PLA2G4A: variants seen among roughly 807,000 people sequenced by gnomAD.
PLA2G4A encodes the protein cytosolic phospholipase A2.
PLA2G4A carries 40 observed loss-of-function variants against 81.9 expected under a neutral mutation model. That is an observed-to-expected ratio of 0.49 (90% CI 0.38 to 0.64). The LOEUF (loss-of-function observed/expected upper bound fraction) is 0.64. PLA2G4A is among the 30% of genes least tolerant of loss of function. The probability of loss-of-function intolerance (pLI) is 0.00; values close to 1 mark genes in which losing one functional copy is unlikely to be tolerated. For missense variants in PLA2G4A, 715 were observed against 905.1 expected, an observed-to-expected ratio of 0.79 and a Z score of 2.69; for synonymous variants, 302 against 296.9, an observed-to-expected ratio of 1.02 and a Z score of -0.18.
chr1:186,849,406 T>A (rs190451781), intron 1 of PLA2G4A, among the ~76,000 whole-genome samples: 12 of 152,114 alleles, frequency 7.9e-5, no homozygotes, highest in Admixed American at 7.9e-4. Flanking sequence ...CAAATATACT[T>A]TGAAGGTCAC....
At chr1:186,982,356 TTCC>T (rs1423154214) in intron 17 of PLA2G4A, among the ~76,000 whole-genome samples, 2 of 152,242 alleles carry the variant, frequency 1.3e-5, no homozygotes, top group African/African-American at 4.8e-5. Flanking sequence ...GAGCCTCCAC[TTCC>T]TCGTCTCTGA....
At chr1:186,981,996 A>G (rs1657737312) in intron 17 of PLA2G4A, among the ~76,000 whole-genome samples, 1 of 152,236 alleles carries the variant, frequency 6.6e-6, no homozygotes, top group Admixed American at 6.5e-5. Flanking sequence ...TGATCAGATG[A>G]TTATTCACAA....
chr1:186,868,656 A>C (rs529900054), intron 2 of PLA2G4A, among the ~76,000 whole-genome samples: 2 of 152,316 alleles, frequency 1.3e-5, no homozygotes, highest in South Asian at 2.1e-4. Flanking sequence ...CCATGTGAAC[A>C]TGGTGCTTTC....
In PLA2G4A at chr1:186,949,197, A is replaced by T. The variant is rs544919633; in HGVS notation, c.1265-1460A>T. 3.3e-5 allele frequency among the ~76,000 whole-genome samples: 5 copies of T among 152,058 alleles called. No homozygotes were observed. In the South Asian group the frequency reaches 1.0e-3, roughly 32 times the overall value. ...TCATATCGTGAATTCTTCCTTACAA[A>T]TAAGACAGTATTTTGGTGAACTATT... On this transcript the variant is annotated intron_variant, in intron 12 of 17. Coordinates refer to ENST00000367466, the MANE Select transcript of PLA2G4A (RefSeq NM_024420.3).
At chr1:186,916,830 C>T (rs1655154546) in intron 7 of PLA2G4A, among the ~76,000 whole-genome samples, 1 of 152,182 alleles carries the variant, frequency 6.6e-6, no homozygotes, top group South Asian at 2.1e-4. Context: ...GATGTATACA[C>T]TGAGAGCAGT....
chr1:186,907,229 A>G lies in PLA2G4A; in HGVS notation c.416+227A>G, dbSNP rs12720549. ...TTAATATGCTTTGCTTATTTTTCCA[A>G]TAGTTTCATGGTCATATAATAATGT... On this transcript the variant is annotated intron_variant, in intron 6 of 17. Transcript: ENST00000367466. Among the ~76,000 whole-genome samples the G allele has an allele frequency of 2.8e-3, 432 of 152,162 alleles. 2 individuals are homozygous for G. Among genetic ancestry groups the G allele is most frequent in the Non-Finnish European group, 3.6e-3 (246 of 68,002 alleles).
intron 8 of PLA2G4A, 140 bp from the exon 9 acceptor site, chr1:186,938,868 A>G (rs890889880): frequency 2.2e-5 from 15 of 668,242 alleles, no homozygotes; most frequent in Non-Finnish European, 3.8e-5. Flanking sequence ...CTTTTCTTAA[A>G]TGTTTTAATA....
intron 15 of PLA2G4A, among the ~76,000 whole-genome samples, chr1:186,973,900 C>A (rs1657443555): frequency 6.6e-6 from 1 of 151,986 alleles, no homozygotes; most frequent in Admixed American, 6.6e-5. Context: ...TGCTTATATG[C>A]CATCCTTCTC....
At chr1:186,899,333 G>A (rs1306396736) in intron 5 of PLA2G4A, among the ~76,000 whole-genome samples, 1 of 152,136 alleles carries the variant, frequency 6.6e-6, no homozygotes, top group Non-Finnish European at 1.5e-5. Flanking sequence ...AGACCGGGAG[G>A]AGATAAGGTC....
rs12720550 is a variant in PLA2G4A, at chr1:186,907,371, A to G, written c.416+369A>G. The stretch of plus-strand genomic sequence containing the variant: ...TTGATTCAGGTAGATATTCAAAAAC[A>G]TAGAAGTGAACTTAAACAGAAACTA... On this transcript the variant is annotated intron_variant, in intron 6 of 17. Coordinates refer to ENST00000367466, the MANE Select transcript of PLA2G4A (RefSeq NM_024420.3). Among the ~76,000 whole-genome samples, 1,068 of 152,342 alleles carry G rather than the reference A, an allele frequency of 7.0e-3. 12 individuals carry two copies. Among genetic ancestry groups the G allele is most frequent in the African/African-American group, 0.024 (1,016 of 41,576 alleles).
rs149761307 is a variant in PLA2G4A at position 186,833,132 on chromosome 1, G to A, written c.-70+4097G>A. Among the ~76,000 whole-genome samples the A allele has an allele frequency of 6.2e-3, 950 of 152,240 alleles. 12 individuals are homozygous for A. Among genetic ancestry groups the A allele is most frequent in the African/African-American group, 0.021 (858 of 41,530 alleles). ...CTGTTCAAGTTTTGTAAGGCTGGGT[G>A]CAGTGGCTTACACCTGTAATCCCAA... On this transcript the variant is annotated intron_variant, in intron 1 of 17. Coordinates refer to ENST00000367466, the MANE Select transcript of PLA2G4A (RefSeq NM_024420.3).
At chr1:186,978,455 G>A (rs1431853509) in intron 16 of PLA2G4A, among the ~76,000 whole-genome samples, 1 of 152,150 alleles carries the variant, frequency 6.6e-6, no homozygotes, top group East Asian at 1.9e-4. Context: ...TAGGGAGGAT[G>A]AGTAATGGGA....
chr1:186,917,187 G>C (rs972497713), intron 7 of PLA2G4A, among the ~76,000 whole-genome samples: 1 of 152,102 alleles, frequency 6.6e-6, no homozygotes, highest in Admixed American at 6.5e-5. Context: ...ATTCATACGC[G>C]ATCACCTGGA....
intron 3 of PLA2G4A, among the ~76,000 whole-genome samples, chr1:186,878,673 G>A (rs1653611067): frequency 1.3e-5 from 2 of 151,798 alleles, no homozygotes; most frequent in Admixed American, 1.3e-4. Context: ...TTACGAAGTT[G>A]TTAAGTGGTT....
intron 13 of PLA2G4A, among the ~76,000 whole-genome samples, chr1:186,951,618 C>T (rs1283187851): frequency 4.6e-5 from 7 of 152,148 alleles, no homozygotes; most frequent in Non-Finnish European, 7.3e-5. Context: ...ATTAATTCCA[C>T]TAGGCATGGA....
intron 1 of PLA2G4A, among the ~76,000 whole-genome samples, chr1:186,853,395 G>A (rs1652444597): frequency 6.6e-6 from 1 of 151,750 alleles, no homozygotes. Context: ...AGCAGTTTTT[G>A]TTTGTGACAA....
intron 1 of PLA2G4A, among the ~76,000 whole-genome samples, chr1:186,841,834 A>G (rs368256325): frequency 6.6e-6 from 1 of 152,184 alleles, no homozygotes; most frequent in East Asian, 1.9e-4. Flanking sequence ...CTTAAGATGG[A>G]CAGGTTTATC....
intron 3 of PLA2G4A, among the ~76,000 whole-genome samples, chr1:186,874,869 T>C (rs1050642532): frequency 9.9e-5 from 15 of 152,108 alleles, no homozygotes; most frequent in African/African-American, 3.6e-4. Context: ...TCAAAAAGTC[T>C]GTGCCTGTAG....
chr1:186,975,073 T>C (rs1313944496), intron 15 of PLA2G4A, among the ~76,000 whole-genome samples: 1 of 152,218 alleles, frequency 6.6e-6, no homozygotes, highest in Non-Finnish European at 1.5e-5. Flanking sequence ...TTTCTTTTCT[T>C]TGCCCTCACG....
Sources: allele counts gnomAD v4.1 joint callset (sites outside exome capture counted in the v4.1 genomes callset), GRCh38; gene constraint gnomAD v4.1.1; transcripts MANE v1.5; gene names NCBI Gene and HGNC (gene_info 2026-07-23, HGNC 2026-07-21).